ANGPT1: variants seen among roughly 807,000 people sequenced by gnomAD.
ANGPT1 encodes angiopoietin-1.
ANGPT1 carries 17 observed loss-of-function variants against 62.2 expected under a neutral mutation model. That is an observed-to-expected ratio of 0.27 (90% CI 0.19 to 0.41). The LOEUF is 0.41. ANGPT1 is among the 10% of genes least tolerant of loss of function. The pLI is 1.00. For missense variants in ANGPT1, 478 were observed against 594.9 expected (o/e 0.80, Z 2.04); for synonymous variants, 199 against 198.9 (o/e 1.00, Z 0.00).
chr8:107,341,432 A>C (rs1251304466), intron 2 of ANGPT1, among the ~76,000 whole-genome samples: 1 of 152,150 alleles, frequency 6.6e-6, no homozygotes, highest in East Asian at 1.9e-4. Flanking sequence ...TGGACTATTA[A>C]ATCTTGAAAA....
At chr8:107,472,332 C>T (rs1812381728) in intron 1 of ANGPT1, among the ~76,000 whole-genome samples, 1 of 151,974 alleles carries the variant, frequency 6.6e-6, no homozygotes, top group African/African-American at 2.4e-5. Context: ...TTAGAAGAAC[C>T]ACTATGAGCC....
At chr8:107,386,877 T>G (rs1816741298) in intron 1 of ANGPT1, among the ~76,000 whole-genome samples, 1 of 152,072 alleles carries the variant, frequency 6.6e-6, no homozygotes. Flanking sequence ...TTGGAATTAA[T>G]ATACAGTAAA....
intron 1 of ANGPT1, among the ~76,000 whole-genome samples, chr8:107,379,019 A>G (rs978863649): frequency 2.0e-5 from 3 of 151,842 alleles, no homozygotes; most frequent in Non-Finnish European, 4.4e-5. Context: ...TAAATTTTCA[A>G]AAGTTTTACA....
chr8:107,464,087 C>G (rs1812140911), intron 1 of ANGPT1, among the ~76,000 whole-genome samples: 1 of 152,036 alleles, frequency 6.6e-6, no homozygotes, highest in Non-Finnish European at 1.5e-5. Context: ...ATTCTGAAAC[C>G]AGCCAACCTC....
intron 5 of ANGPT1, among the ~76,000 whole-genome samples, chr8:107,296,745 G>A (rs1814425918): frequency 6.6e-6 from 1 of 152,052 alleles, no homozygotes. Flanking sequence ...AATCCAGAAT[G>A]AATGTTTTTA....
intron 1 of ANGPT1, among the ~76,000 whole-genome samples, chr8:107,475,030 A>G (rs1401871472): frequency 6.6e-5 from 10 of 152,222 alleles, no homozygotes; most frequent in African/African-American, 2.4e-4. Context: ...TCTAGATTCA[A>G]TGCTATCCCC....
At chr8:107,346,011 G>T (rs1341743717) in intron 2 of ANGPT1, among the ~76,000 whole-genome samples, 1 of 152,130 alleles carries the variant, frequency 6.6e-6, no homozygotes, top group Non-Finnish European at 1.5e-5. Flanking sequence ...GTGATTTCTA[G>T]CTAAAAGATC....
At chr8:107,440,620 C>T (rs1811450211) in intron 1 of ANGPT1, among the ~76,000 whole-genome samples, 1 of 152,246 alleles carries the variant, frequency 6.6e-6, no homozygotes, top group South Asian at 2.1e-4. Context: ...TTAAAATATG[C>T]ATACTTTAAA....
At position 107,250,733 on chromosome 8, in the gene ANGPT1, A is replaced by G. The variant is rs1813231971; in HGVS notation, c.*1122T>C. The G allele has an allele frequency of 6.6e-6, 1 of 152,096 alleles. No individual in the cohort carries two copies. Among genetic ancestry groups the G allele is most frequent in the African/African-American group, 2.4e-5 (1 of 41,442 alleles). The allele number at this position is 152,096 out of a possible 1,614,324, so 9.4% of individuals were successfully genotyped here. A position where few individuals can be genotyped will look rare whatever the true frequency, so the allele number is the denominator to read the frequency against. On this transcript the variant is annotated 3_prime_UTR_variant, in exon 9 of 9. Coordinates refer to ENST00000517746, the MANE Select transcript of ANGPT1 (RefSeq NM_001146.5). ...ACTTCAAAGTGTTTCTTTTATAGAC[A>G]CTGGAACAGTGTGAATCTGGTAAGC...
intron 2 of ANGPT1, among the ~76,000 whole-genome samples, chr8:107,341,542 T>A (rs1019707087): frequency 1.3e-5 from 2 of 149,184 alleles, no homozygotes; most frequent in Non-Finnish European, 3.0e-5. Flanking sequence ...TGTGATGTAA[T>A]ATATAATTAA....
chr8:107,388,359 G>T (rs1816772641), intron 1 of ANGPT1, among the ~76,000 whole-genome samples: 1 of 152,032 alleles, frequency 6.6e-6, no homozygotes, highest in South Asian at 2.1e-4. Context: ...AGGTCATAGT[G>T]AGCTATGATT....
intron 1 of ANGPT1, among the ~76,000 whole-genome samples, chr8:107,468,605 A>G (rs1391781927): frequency 1.3e-5 from 2 of 152,080 alleles, no homozygotes; most frequent in Non-Finnish European, 2.9e-5. Context: ...AGTTACTTAA[A>G]AATCTGAATG....
intron 1 of ANGPT1, among the ~76,000 whole-genome samples, chr8:107,417,434 G>A (rs1029872061): frequency 6.6e-6 from 1 of 152,074 alleles, no homozygotes; most frequent in Non-Finnish European, 1.5e-5. Context: ...AGTGAGAAAA[G>A]GGCAACATTA....
At chr8:107,296,922 T>C (rs1385888363) in intron 5 of ANGPT1, among the ~76,000 whole-genome samples, 9 of 152,086 alleles carry the variant, frequency 5.9e-5, no homozygotes, top group Admixed American at 5.9e-4. Context: ...TACTGTTACC[T>C]AGATTATTAA....
At chr8:107,486,632 T>C (rs1032262086) in intron 1 of ANGPT1, among the ~76,000 whole-genome samples, 1 of 152,170 alleles carries the variant, frequency 6.6e-6, no homozygotes, top group African/African-American at 2.4e-5. Context: ...CTCTATGGCA[T>C]AGATACTATT....
chr8:107,418,741 G>T (rs1810818119), intron 1 of ANGPT1, among the ~76,000 whole-genome samples: 1 of 152,092 alleles, frequency 6.6e-6, no homozygotes, highest in Non-Finnish European at 1.5e-5. Flanking sequence ...AAAAACTTTG[G>T]ATCCAACATA....
intron 1 of ANGPT1, among the ~76,000 whole-genome samples, chr8:107,374,363 A>C (rs892247): frequency 0.75 from 113,324 of 152,104 alleles, 43,085 homozygotes; most frequent in East Asian, 0.87. Flanking sequence ...ACACAATGGC[A>C]GTTCTCATGA....
At chr8:107,441,496 T>C (rs909432297) in intron 1 of ANGPT1, among the ~76,000 whole-genome samples, 4 of 152,170 alleles carry the variant, frequency 2.6e-5, no homozygotes, top group Non-Finnish European at 2.9e-5. Context: ...TGTTGTTCAC[T>C]TAGGACTTTC....
intron 1 of ANGPT1, among the ~76,000 whole-genome samples, chr8:107,394,538 G>C (rs1821305): frequency 0.067 from 10,182 of 152,126 alleles, 878 homozygotes; most frequent in East Asian, 0.48. Flanking sequence ...TAAGGAGCTG[G>C]GGGGAGGGAA....
Sources: gnomAD v4.1 joint callset for allele counts (sites outside exome capture counted in the v4.1 genomes callset) on GRCh38, gnomAD v4.1.1 for gene constraint, MANE v1.5 for transcripts, NCBI Gene and HGNC (gene_info 2026-07-23, HGNC 2026-07-21) for gene names.